The following PDZRN4 variants were observed in gnomAD, a reference collection of about 807,000 sequenced individuals.
PDZRN4 encodes the protein PDZ domain containing ring finger 4.
In PDZRN4, 70 loss-of-function variants were observed where a neutral mutation model predicts 99.0. That is an observed-to-expected ratio of 0.71 (90% CI 0.58 to 0.86). The LOEUF (loss-of-function observed/expected upper bound fraction) is 0.86, where lower values mean the gene tolerates loss of function less well. Ranked by LOEUF, PDZRN4 falls within the 40% of genes least tolerant of loss-of-function variation. The pLI, the probability that PDZRN4 is intolerant of heterozygous loss-of-function variation, is 0.00. For missense variants in PDZRN4, 1,474 were observed against 1,331.2 expected (o/e 1.11, Z -1.67); for synonymous variants, 551 against 501.6 (o/e 1.10, Z -1.32).
At chr12:41,450,692 C>CG in intron 3 of PDZRN4, among the ~76,000 whole-genome samples, 1 of 151,958 alleles carries the variant, frequency 6.6e-6, no homozygotes, top group East Asian at 1.9e-4. Context: ...GGAGCTGAGG[C>CG]GGGGGGATCA....
rs575563008 is a variant in PDZRN4, at chr12:41,197,024, A to G, written c.843+2836A>G. On this transcript the variant is annotated intron_variant, in intron 3 of 9. Coordinates refer to ENST00000402685, the MANE Select transcript of PDZRN4 (RefSeq NM_001164595.2). ...TATGCACAATCTGACACATTACTAA[A>G]TGCTTTGAATTTACTGATATATAAC... 8.5e-5 allele frequency among the ~76,000 whole-genome samples: 13 copies of G among 152,194 alleles called. No homozygotes were observed. The East Asian group carries it at 2.3e-3, about 27-fold the overall frequency.
At chr12:41,555,224 C>G (rs111508664) in intron 6 of PDZRN4, among the ~76,000 whole-genome samples, 3,104 of 18,444 alleles carry the variant, frequency 0.17, 148 homozygotes, top group African/African-American at 0.35. Context: ...GAGCCAGACT[C>G]TGTCTCAAAA....
intron 3 of PDZRN4, among the ~76,000 whole-genome samples, chr12:41,365,220 C>T (rs759061014): frequency 6.6e-5 from 10 of 151,982 alleles, no homozygotes; most frequent in South Asian, 2.1e-4. Flanking sequence ...AAATGCTATT[C>T]TTATATGTGA....
At chr12:41,396,489 C>A (rs61924119) in intron 3 of PDZRN4, among the ~76,000 whole-genome samples, 3,341 of 152,160 alleles carry the variant, frequency 0.022, 66 homozygotes, top group South Asian at 0.05. Context: ...TATTGTGTAG[C>A]AAATTACCCA....
intron 3 of PDZRN4, among the ~76,000 whole-genome samples, chr12:41,362,291 AT>A (rs556897468): frequency 2.0e-5 from 3 of 151,738 alleles, no homozygotes; most frequent in East Asian, 3.9e-4. Context: ...TTTTGCCTGG[AT>A]TTTTTTTATA....
intron 3 of PDZRN4, among the ~76,000 whole-genome samples, chr12:41,296,880 C>T (rs531152579): frequency 3.3e-5 from 5 of 152,184 alleles, no homozygotes; most frequent in African/African-American, 1.2e-4. Context: ...ATCACTTGAG[C>T]CCAGGAGGTT....
intron 3 of PDZRN4, among the ~76,000 whole-genome samples, chr12:41,335,454 CAGAT>C (rs1951766480): frequency 2.0e-5 from 3 of 151,918 alleles, no homozygotes; most frequent in South Asian, 2.1e-4. Context: ...TTAATATAAT[CAGAT>C]AGAAGGAGCA....
chr12:41,271,015 G>A (rs781028007), intron 3 of PDZRN4, among the ~76,000 whole-genome samples: 18 of 151,818 alleles, frequency 1.2e-4, no homozygotes, highest in African/African-American at 1.9e-4. Context: ...TATAGTCTTC[G>A]TAGCATCACA....
intron 3 of PDZRN4, among the ~76,000 whole-genome samples, chr12:41,475,873 G>A (rs548802772): frequency 1.2e-3 from 181 of 152,030 alleles, no homozygotes; most frequent in African/African-American, 4.1e-3. Context: ...TTTGACCTCC[G>A]GGAGTAAATG....
At chr12:41,212,953 C>T (rs1320243394) in intron 3 of PDZRN4, among the ~76,000 whole-genome samples, 2 of 151,868 alleles carry the variant, frequency 1.3e-5, no homozygotes, top group Admixed American at 1.3e-4. Context: ...CGGCTCTCAG[C>T]AAGGATTGGA....
intron 3 of PDZRN4, among the ~76,000 whole-genome samples, chr12:41,440,070 T>C (rs779092164): frequency 6.6e-6 from 1 of 152,186 alleles, no homozygotes; most frequent in Non-Finnish European, 1.5e-5. Flanking sequence ...TAACCAGGTG[T>C]TCAGGAGGGC....
chr12:41,338,462 G>T (rs916651716), intron 3 of PDZRN4, among the ~76,000 whole-genome samples: 2 of 151,716 alleles, frequency 1.3e-5, no homozygotes, highest in African/African-American at 4.8e-5. Flanking sequence ...AAATCTCAGA[G>T]ATGAAACAAA....
At chr12:41,265,207 A>T (rs566003955) in intron 3 of PDZRN4, among the ~76,000 whole-genome samples, 1 of 152,338 alleles carries the variant, frequency 6.6e-6, no homozygotes, top group Admixed American at 6.5e-5. Context: ...GTATAAGTGA[A>T]GAAATCCTGG....
chr12:41,436,163 C>A (rs558228608), intron 3 of PDZRN4, among the ~76,000 whole-genome samples: 58 of 152,142 alleles, frequency 3.8e-4, no homozygotes, highest in Non-Finnish European at 6.9e-4. Flanking sequence ...TCCTGGAGAA[C>A]TTTTTTCACA....
chr12:41,324,557 A>G (rs1951698730), intron 3 of PDZRN4, among the ~76,000 whole-genome samples: 1 of 152,116 alleles, frequency 6.6e-6, no homozygotes, highest in South Asian at 2.1e-4. Context: ...GATCTCTACA[A>G]TCCAGCAACT....
intron 3 of PDZRN4, among the ~76,000 whole-genome samples, chr12:41,422,160 T>C (rs1952495334): frequency 6.6e-6 from 1 of 152,150 alleles, no homozygotes; most frequent in South Asian, 2.1e-4. Context: ...TTGTACACCA[T>C]ATCATATGCT....
At chr12:41,376,823 T>C (rs560415062) in intron 3 of PDZRN4, among the ~76,000 whole-genome samples, 3 of 152,332 alleles carry the variant, frequency 2.0e-5, no homozygotes, top group Admixed American at 1.3e-4. Flanking sequence ...CAAGGAGTTT[T>C]TCCCCTGTGT....
At chr12:41,541,309 C>T (rs527680491) in intron 5 of PDZRN4, among the ~76,000 whole-genome samples, 2 of 152,200 alleles carry the variant, frequency 1.3e-5, no homozygotes, top group African/African-American at 4.8e-5. Flanking sequence ...TGTCTCAACT[C>T]TTGTGCCAAA....
intron 3 of PDZRN4, among the ~76,000 whole-genome samples, chr12:41,478,414 C>A (rs1432231290): frequency 3.9e-5 from 6 of 152,112 alleles, no homozygotes; most frequent in South Asian, 2.1e-4. Flanking sequence ...CTGCACCCAG[C>A]CTGTAAAATT....
Sources: gnomAD v4.1 joint callset for allele counts (sites outside exome capture counted in the v4.1 genomes callset) on GRCh38, gnomAD v4.1.1 for gene constraint, MANE v1.5 for transcripts, NCBI Gene and HGNC (gene_info 2026-07-23, HGNC 2026-07-21) for gene names.